Variants in DHX35 observed in about 807,000 individuals in gnomAD.
DHX35 encodes probable ATP-dependent RNA helicase DHX35.
A neutral mutation model predicts 99.6 loss-of-function variants in DHX35; 84 were observed. The observed-to-expected ratio is 0.84, with a 90% CI of 0.71 to 1.01. The LOEUF (loss-of-function observed/expected upper bound fraction) is 1.01. Ranked by LOEUF, DHX35 falls within the 50% of genes least tolerant of loss-of-function variation. DHX35 has a pLI of 0.00. For synonymous variants in DHX35, 331 were observed against 316.2 expected (o/e 1.05, Z -0.50); for missense variants, 852 against 888.5 (o/e 0.96, Z 0.52).
In DHX35 at chr20:39,010,379, A is replaced by T; in HGVS notation, c.1322A>T (p.Asn441Ile). The T allele has an allele frequency of 6.2e-7, 1 of 1,614,126 alleles. No individual in the cohort carries two copies. Among genetic ancestry groups the T allele is most frequent in the Non-Finnish European group, 8.5e-7 (1 of 1,179,998 alleles). Reference protein sequence around the residue: ...ILQLKALGIDNVLRFHFMSPP... With the variant: ...ILQLKALGIDIVLRFHFMSPP... ...CAGCTGAAAGCACTAGGAATTGACAATGTCCTCAGGTTCCACTTCATGTCG... is the reference window on the plus strand; with the variant it reads ...CAGCTGAAAGCACTAGGAATTGACATTGTCCTCAGGTTCCACTTCATGTCG... The change falls in exon 13 of 22, where the codon AAT becomes ATT. Residue 441 changes from asparagine (N) to isoleucine (I), a missense_variant. Physicochemically the swap from Asn to Ile is moderately radical, Grantham distance 149. Coordinates refer to ENST00000252011, the MANE Select transcript of DHX35 (RefSeq NM_021931.4).
chr20:38,974,621 T>C (rs1358264658), intron 3 of DHX35, among the ~76,000 whole-genome samples: 2 of 152,234 alleles, frequency 1.3e-5, no homozygotes, highest in Non-Finnish European at 2.9e-5. Context: ...AATGGGAATC[T>C]GAAGCTTGGC....
At chr20:39,003,654 A>G in intron 10 of DHX35, 95 bp from the exon 11 acceptor site, 1 of 1,436,220 alleles carries the variant, frequency 7.0e-7, no homozygotes. Flanking sequence ...CCAAAATTAA[A>G]GTCCAGATCC....
rs940999825 is a variant in DHX35 at position 39,026,813 on chromosome 20, T to C, written c.1801+1454T>C. On this transcript the variant is annotated intron_variant, in intron 18 of 21. Transcript: ENST00000252011. The stretch of plus-strand genomic sequence containing the variant: ...GGGCCATTGAGCCATGTTGGAGTCA[T>C]TGATAGAAACAGGATGCTTACAAGG... 2.0e-5 allele frequency among the ~76,000 whole-genome samples: 3 copies of C among 152,124 alleles called. No individual in the cohort carries two copies. The South Asian group carries it at 6.2e-4, about 32-fold the overall frequency.
At chr20:39,003,419 G>C (rs1166899371) in intron 10 of DHX35, among the ~76,000 whole-genome samples, 11 of 152,188 alleles carry the variant, frequency 7.2e-5, no homozygotes, top group Non-Finnish European at 1.5e-5. Context: ...GCTGCAACTT[G>C]TCTATATGCA....
intron 15 of DHX35, among the ~76,000 whole-genome samples, chr20:39,019,393 T>C (rs983753408): frequency 6.6e-6 from 1 of 152,222 alleles, no homozygotes; most frequent in Non-Finnish European, 1.5e-5. Flanking sequence ...ATCTATACCA[T>C]GTTTTGTTTG....
chr20:38,962,748 G>T lies in DHX35; in HGVS notation c.40+341G>T, dbSNP rs1020043303. 9.2e-6 allele frequency: 3 copies of T among 326,968 alleles called. No homozygotes were observed. The South Asian group carries it at 1.3e-4, about 14-fold the overall frequency. 20.3% of individuals were successfully genotyped at this position (326,968 alleles called of 1,614,324 possible). A position where few individuals can be genotyped will look rare whatever the true frequency, so the allele number is the denominator to read the frequency against. On this transcript the variant is annotated intron_variant, in intron 1 of 21. Transcript: ENST00000252011. ...TGTCTCGTTAGCGCCCTGGGGTTGC[G>T]CTGTGGCCCGACAGACAATGCTGCT...
In DHX35 at chr20:39,021,911, C is replaced by G. The variant is rs142673637; in HGVS notation, c.1569C>G (p.Val523=). 1.2e-6 allele frequency: 2 copies of G among 1,613,982 alleles called. No homozygotes were observed. Among genetic ancestry groups the G allele is most frequent in the Non-Finnish European group, 1.7e-6 (2 of 1,179,926 alleles). ...TGCAGATCCAGAATATCTTTGTGGT[C>G]CCCCCAAACCAGAAGTCTCACGCAG... is the stretch of plus-strand genomic sequence containing the variant. ...AMMQIQNIFV[V]PPNQKSHAIR... The change falls in exon 16 of 22, where the codon GTC becomes GTG. Residue 523 remains valine, a synonymous_variant. Transcript: ENST00000252011.
intron 4 of DHX35, among the ~76,000 whole-genome samples, chr20:38,984,348 C>T (rs943435941): frequency 6.6e-6 from 1 of 152,176 alleles, no homozygotes; most frequent in African/African-American, 2.4e-5. Flanking sequence ...CACCATCCAA[C>T]ATAAACAATG....
chr20:38,992,276 C>A, intron 6 of DHX35, 80 bp from the exon 7 acceptor site: 2 of 1,194,560 alleles, frequency 1.7e-6, no homozygotes, highest in South Asian at 1.3e-5. Context: ...GACTAAATAC[C>A]CAGAAGCTCT....
chr20:39,021,944 G>A lies in DHX35; in HGVS notation c.1593+9G>A. 1 of 1,613,940 alleles carries A rather than the reference G, an allele frequency of 6.2e-7. No individual in the cohort carries two copies. The highest frequency in any genetic ancestry group is 8.5e-7 in the Non-Finnish European group (1 of 1,179,806). ...ACCAGAAGTCTCACGCAGTAAGTCAGCTCTGTCCCCAGGCTGTCTGTACCA... is the reference window on the plus strand; with the variant it reads ...ACCAGAAGTCTCACGCAGTAAGTCAACTCTGTCCCCAGGCTGTCTGTACCA... On this transcript the variant is annotated intron_variant, in intron 16 of 21. Coordinates refer to ENST00000252011, the MANE Select transcript of DHX35 (RefSeq NM_021931.4).
In DHX35 at chr20:39,006,317, G is replaced by A; in HGVS notation, c.1183G>A (p.Gly395Ser). The A allele has an allele frequency of 6.8e-6, 11 of 1,614,140 alleles. No individual in the cohort carries two copies. Among genetic ancestry groups the A allele is most frequent in the Non-Finnish European group, 9.3e-6 (11 of 1,180,024 alleles). ...ASANQRAGRG[G>S]RSRSGKCYRL... is the part of the protein sequence containing the mutation. ...AGCTAATCAGCGAGCAGGACGTGGT[G>A]GTCGTAGTCGCTCGGGAAAATGTTA... Residue 395 changes from glycine (G) to serine (S), a missense_variant, in exon 12 of 22, where the codon GGT becomes AGT. Coordinates refer to ENST00000252011, the MANE Select transcript of DHX35 (RefSeq NM_021931.4).
At chr20:38,981,311 T>C (rs932939920) in intron 3 of DHX35, among the ~76,000 whole-genome samples, 2 of 152,210 alleles carry the variant, frequency 1.3e-5, no homozygotes, top group Non-Finnish European at 2.9e-5. Flanking sequence ...TTTTCTCCTC[T>C]TTCCCTCTAT....
intron 9 of DHX35, among the ~76,000 whole-genome samples, chr20:39,002,362 T>C (rs1354532382): frequency 6.6e-6 from 1 of 152,172 alleles, no homozygotes; most frequent in African/African-American, 2.4e-5. Context: ...CTGAATCGTT[T>C]TGTTGGAGAG....
intron 5 of DHX35, among the ~76,000 whole-genome samples, chr20:38,989,595 T>A (rs2086306907): frequency 6.6e-6 from 1 of 152,302 alleles, no homozygotes. Context: ...TATGTGTATT[T>A]TATTGTATTT....
Position 39,023,770 on chromosome 20 carries a change from A to G in DHX35, c.1671+3A>G, listed in dbSNP as rs2086908866. 1.9e-6 allele frequency: 3 copies of G among 1,613,352 alleles called. No individual in the cohort carries two copies. The highest frequency in any genetic ancestry group is 1.1e-5 in the South Asian group (1 of 91,028). On this transcript the variant is annotated splice_donor_region_variant and intron_variant, in intron 17 of 21. Coordinates refer to ENST00000252011, the MANE Select transcript of DHX35 (RefSeq NM_021931.4). ...ATATATATGAAGCATTTATCAAAGTAAGCACAACTACTGCTCGAAGTGCCG... is the reference window on the plus strand; with the variant it reads ...ATATATATGAAGCATTTATCAAAGTGAGCACAACTACTGCTCGAAGTGCCG...
At chr20:38,967,659 T>C (rs1209524049) in intron 1 of DHX35, among the ~76,000 whole-genome samples, 1 of 152,228 alleles carries the variant, frequency 6.6e-6, no homozygotes, top group Non-Finnish European at 1.5e-5. Context: ...GTTTTCATGA[T>C]GGGATATGGC....
At chr20:38,978,390 A>AGGGCTCAT in intron 3 of DHX35, 6 of 698,242 alleles carry the variant, frequency 8.6e-6, no homozygotes, top group Non-Finnish European at 1.6e-5. Flanking sequence ...GGGGCCTCAC[A>AGGGCTCAT]GGGCTCATGT....
At chr20:38,990,804 G>A (rs1260454509) in intron 5 of DHX35, among the ~76,000 whole-genome samples, 4 of 152,246 alleles carry the variant, frequency 2.6e-5, no homozygotes, top group East Asian at 1.9e-4. Context: ...CAAGGATACC[G>A]AGGAACTACT....
chr20:39,007,407 G>A (rs1366736617), intron 12 of DHX35, among the ~76,000 whole-genome samples: 1 of 152,232 alleles, frequency 6.6e-6, no homozygotes, highest in African/African-American at 2.4e-5. Context: ...GAGCCATAAA[G>A]AATCGGGAGC....
Sources: gnomAD v4.1 joint callset for allele counts (sites outside exome capture counted in the v4.1 genomes callset) on GRCh38, gnomAD v4.1.1 for gene constraint, MANE v1.5 for transcripts, NCBI Gene and HGNC (gene_info 2026-07-23, HGNC 2026-07-21) for gene names.